CSMD1: variants seen among roughly 807,000 people sequenced by gnomAD.
CSMD1 encodes CUB and Sushi multiple domains 1.
In CSMD1, 213 loss-of-function variants were observed where a neutral mutation model predicts 417.5. That is an observed-to-expected ratio of 0.51 (90% CI 0.46 to 0.57). The LOEUF (loss-of-function observed/expected upper bound fraction) is 0.57, where lower values mean the gene tolerates loss of function less well. Ranked by LOEUF, CSMD1 falls within the 20% of genes least tolerant of loss-of-function variation. CSMD1 has a pLI of 0.00. For synonymous variants in CSMD1, 2,862 were observed against 1,736.8 expected (o/e 1.65, Z -16.11); for missense variants, 6,923 against 4,529.7 (o/e 1.53, Z -15.17).
At chr8:4,059,016 T>G (rs112954357) in intron 3 of CSMD1, among the ~76,000 whole-genome samples, 11 of 152,118 alleles carry the variant, frequency 7.2e-5, no homozygotes, top group African/African-American at 2.7e-4. Flanking sequence ...ACCACACCTA[T>G]TCCAAAATTG....
intron 3 of CSMD1, among the ~76,000 whole-genome samples, chr8:4,153,384 C>G (rs1045063248): frequency 6.6e-6 from 1 of 152,214 alleles, no homozygotes; most frequent in African/African-American, 2.4e-5. Context: ...CAGTGTAATA[C>G]TCTGCAGTTC....
intron 10 of CSMD1, among the ~76,000 whole-genome samples, chr8:3,527,642 C>A (rs1459690834): frequency 6.6e-6 from 1 of 152,048 alleles, no homozygotes; most frequent in Non-Finnish European, 1.5e-5. Flanking sequence ...AAATCTCAAA[C>A]CAGGTCTGCA....
chr8:3,307,419 T>A (rs970827278), intron 25 of CSMD1, among the ~76,000 whole-genome samples: 2 of 152,120 alleles, frequency 1.3e-5, no homozygotes, highest in Non-Finnish European at 2.9e-5. Context: ...TCATGATGTT[T>A]TTTTTCAGCT....
intron 50 of CSMD1, among the ~76,000 whole-genome samples, chr8:3,043,377 C>G (rs1412129399): frequency 2.6e-5 from 4 of 151,878 alleles, no homozygotes; most frequent in Non-Finnish European, 4.4e-5. Context: ...TACCATAGGT[C>G]ACTATAGCGA....
chr8:3,323,869 G>C (rs1458895155), intron 23 of CSMD1, among the ~76,000 whole-genome samples: 1 of 144,784 alleles, frequency 6.9e-6, no homozygotes, highest in African/African-American at 2.6e-5. Context: ...AACACCCAGA[G>C]ACCCAGGAGG....
chr8:4,751,481 G>A (rs959141385), intron 1 of CSMD1, among the ~76,000 whole-genome samples: 2 of 152,116 alleles, frequency 1.3e-5, no homozygotes, highest in African/African-American at 4.8e-5. Context: ...CATAAAAAGT[G>A]TCCTGGATTT....
At chr8:4,032,421 T>C (rs191430284) in intron 3 of CSMD1, among the ~76,000 whole-genome samples, 3 of 149,468 alleles carry the variant, frequency 2.0e-5, no homozygotes, top group Non-Finnish European at 1.5e-5. Context: ...CTTACTCCTA[T>C]AGTGAGCAAC....
intron 3 of CSMD1, among the ~76,000 whole-genome samples, chr8:4,404,117 TC>T (rs1159624058): frequency 6.6e-6 from 1 of 152,200 alleles, no homozygotes; most frequent in African/African-American, 2.4e-5. Context: ...TCTCCAGAAT[TC>T]CACGCGAGTG....
At chr8:4,745,903 G>A (rs1404789290) in intron 1 of CSMD1, among the ~76,000 whole-genome samples, 1 of 152,168 alleles carries the variant, frequency 6.6e-6, no homozygotes, top group African/African-American at 2.4e-5. Context: ...CCACTTCCGT[G>A]CAATCAAGTC....
chr8:4,904,693 T>G (rs74608030), intron 1 of CSMD1, among the ~76,000 whole-genome samples: 1 of 151,996 alleles, frequency 6.6e-6, no homozygotes, highest in African/African-American at 2.4e-5. Context: ...TGGGGAAAAC[T>G]AAAATGGAAG....
At chr8:4,097,934 G>T (rs76633181) in intron 3 of CSMD1, among the ~76,000 whole-genome samples, 2 of 152,136 alleles carry the variant, frequency 1.3e-5, no homozygotes, top group Non-Finnish European at 2.9e-5. Context: ...TGAAGGTAAA[G>T]TTAATTTCTG....
intron 1 of CSMD1, among the ~76,000 whole-genome samples, chr8:4,712,143 G>T (rs1206367078): frequency 6.6e-6 from 1 of 152,176 alleles, no homozygotes; most frequent in Non-Finnish European, 1.5e-5. Context: ...AAGCTGGATG[G>T]CATAGACCAG....
intron 3 of CSMD1, among the ~76,000 whole-genome samples, chr8:4,099,915 C>G (rs942232765): frequency 6.6e-6 from 1 of 152,098 alleles, no homozygotes; most frequent in Non-Finnish European, 1.5e-5. Context: ...ACTTTTCTAA[C>G]AAAAAATCAA....
At chr8:4,855,500 A>G (rs1801744636) in intron 1 of CSMD1, among the ~76,000 whole-genome samples, 1 of 152,110 alleles carries the variant, frequency 6.6e-6, no homozygotes, top group Non-Finnish European at 1.5e-5. Context: ...AAAGGCAAAG[A>G]AGTTGAAAAC....
intron 2 of CSMD1, among the ~76,000 whole-genome samples, chr8:4,589,963 T>A (rs1799901637): frequency 1.3e-5 from 2 of 152,200 alleles, no homozygotes; most frequent in East Asian, 3.9e-4. Flanking sequence ...CCTAGGTTAC[T>A]AGGCTAAGCA....
intron 7 of CSMD1, among the ~76,000 whole-genome samples, chr8:3,684,529 C>G (rs1799839508): frequency 6.7e-6 from 1 of 150,030 alleles, no homozygotes; most frequent in South Asian, 2.1e-4. Flanking sequence ...TACTGGCCAT[C>G]TAGAAACAAA....
chr8:3,821,036 C>G (rs1801707529), intron 5 of CSMD1, among the ~76,000 whole-genome samples: 1 of 152,068 alleles, frequency 6.6e-6, no homozygotes, highest in South Asian at 2.1e-4. Context: ...CCCGCCTCAG[C>G]CTCCCCAGTA....
intron 2 of CSMD1, among the ~76,000 whole-genome samples, chr8:4,490,786 T>C (rs887832026): frequency 1.3e-5 from 2 of 152,212 alleles, no homozygotes; most frequent in African/African-American, 4.8e-5. Context: ...TCGGGCATAT[T>C]AATTCAGTTC....
intron 30 of CSMD1, among the ~76,000 whole-genome samples, chr8:3,208,182 T>A (rs1311322658): frequency 6.6e-6 from 1 of 152,188 alleles, no homozygotes; most frequent in Non-Finnish European, 1.5e-5. Flanking sequence ...ACAATTAGTT[T>A]TAAATTTTAG....
Sources: gnomAD v4.1 joint callset for allele counts (sites outside exome capture counted in the v4.1 genomes callset) on GRCh38, gnomAD v4.1.1 for gene constraint, MANE v1.5 for transcripts, NCBI Gene and HGNC (gene_info 2026-07-23, HGNC 2026-07-21) for gene names.